COL11A1: variants seen among roughly 807,000 people sequenced by gnomAD.
COL11A1 encodes collagen alpha-1(XI) chain.
A neutral mutation model predicts 265.2 loss-of-function variants in COL11A1; 74 were observed. The ratio of observed to expected loss-of-function variants is 0.28; its 90% CI spans 0.23 to 0.34. The LOEUF is 0.34. COL11A1 is among the 10% of genes least tolerant of loss of function. COL11A1 has a pLI of 1.00. For missense variants in COL11A1, 2,165 were observed against 2,263.6 expected (o/e 0.96, Z 0.88); for synonymous variants, 816 against 727.6 (o/e 1.12, Z -1.96).
chr1:102,919,538 A>G (rs1451998996), intron 49 of COL11A1, among the ~76,000 whole-genome samples: 2 of 152,014 alleles, frequency 1.3e-5, no homozygotes, highest in Non-Finnish European at 2.9e-5. Context: ...TCACTGCATA[A>G]TATATGATGT....
chr1:102,980,329 A>G (rs1662919658), intron 31 of COL11A1, among the ~76,000 whole-genome samples: 1 of 152,154 alleles, frequency 6.6e-6, no homozygotes, highest in African/African-American at 2.4e-5. Context: ...ATAATCCCCA[A>G]TAACCAAATT....
At chr1:103,107,537 A>C in intron 1 of COL11A1, among the ~76,000 whole-genome samples, 2 of 129,866 alleles carry the variant, frequency 1.5e-5, no homozygotes, top group East Asian at 2.4e-4. Flanking sequence ...TTCTAGATTC[A>C]CCCCCCTGGT....
rs141931747 is a variant in COL11A1 at position 103,002,857 on chromosome 1, G to A, written c.1999-66C>T. On this transcript the variant is annotated intron_variant, in intron 21 of 66. Transcript: ENST00000370096. ...TGATGCTAAAACAGAAAATCAAAAAGACTAATCTAATATCATGATATTCAC... is the reference window on the plus strand; with the variant it reads ...TGATGCTAAAACAGAAAATCAAAAAAACTAATCTAATATCATGATATTCAC... 636 of 1,412,992 alleles carry A rather than the reference G, an allele frequency of 4.5e-4. 5 individuals carry two copies. The African/African-American group carries it at 7.9e-3, about 17-fold the overall frequency. 87.5% of individuals were successfully genotyped at this position (1,412,992 alleles called of 1,614,324 possible).
chr1:103,058,941 C>T (rs1309392966), intron 4 of COL11A1, among the ~76,000 whole-genome samples: 1 of 151,830 alleles, frequency 6.6e-6, no homozygotes, highest in Non-Finnish European at 1.5e-5. Flanking sequence ...GTTTTGGGGT[C>T]TCATAAACCA....
chr1:102,947,495 A>G (rs1659423393), intron 41 of COL11A1, among the ~76,000 whole-genome samples: 1 of 152,154 alleles, frequency 6.6e-6, no homozygotes, highest in South Asian at 2.1e-4. Context: ...TCACTATCCT[A>G]AAGTCTGGAC....
At chr1:103,058,811 A>G (rs1042886559) in intron 4 of COL11A1, among the ~76,000 whole-genome samples, 1 of 152,162 alleles carries the variant, frequency 6.6e-6, no homozygotes, top group African/African-American at 2.4e-5. Flanking sequence ...AAGATGGTAT[A>G]TGCTCATTTC....
chr1:103,014,944 C>T (rs1666440535), intron 12 of COL11A1, among the ~76,000 whole-genome samples: 1 of 151,756 alleles, frequency 6.6e-6, no homozygotes, highest in Non-Finnish European at 1.5e-5. Flanking sequence ...CCAAATATAC[C>T]AAGTTCAGTG....
At position 102,997,257 on chromosome 1, in the gene COL11A1, C is replaced by A. The variant is rs1483439686; in HGVS notation, c.2197-133G>T. 34 of 854,152 alleles carry A rather than the reference C, an allele frequency of 4.0e-5. No homozygotes were observed. The South Asian group carries it at 4.3e-4, about 11-fold the overall frequency. The allele number at this position is 854,152 out of a possible 1,614,324, so 52.9% of individuals were successfully genotyped here. On this transcript the variant is annotated intron_variant, in intron 25 of 66. Coordinates refer to ENST00000370096, the MANE Select transcript of COL11A1 (RefSeq NM_001854.4). ...GTTTCAAAAACATTGAACACTTTTGCATCAGTGTGTATGGCTTTAAATAAA... is the reference window on the plus strand; with the variant it reads ...GTTTCAAAAACATTGAACACTTTTGAATCAGTGTGTATGGCTTTAAATAAA...
rs753011538 is a variant in COL11A1, at chr1:103,074,644, T to C, written c.625A>G (p.Arg209Gly). ...DTNGITVFGT[R>G]ILDEEVFEGD... ...TCAAAAACTTCTTCATCCAAAATCC[T>C]TGTTCCAAAAACCGTGATTCCATTG... The change falls in exon 4 of 67, where the codon AGG becomes GGG. Residue 209 changes from arginine to glycine, a missense_variant. Physicochemically the swap from Arg to Gly is moderately radical, Grantham distance 125. Transcript: ENST00000370096. 1 of 1,613,286 alleles carries C rather than the reference T, an allele frequency of 6.2e-7. No individual in the cohort carries two copies.
chr1:102,900,311 A>T (rs1485780525), intron 54 of COL11A1, among the ~76,000 whole-genome samples: 1 of 152,168 alleles, frequency 6.6e-6, no homozygotes, highest in East Asian at 1.9e-4. Flanking sequence ...TTCAAATTTC[A>T]TATTTAAGCA....
rs543410551 is a variant in COL11A1 at position 103,077,471 on chromosome 1, C to T, written c.488+1187G>A. Among the ~76,000 whole-genome samples, 76 of 151,970 alleles carry T rather than the reference C, an allele frequency of 5.0e-4. 1 individual carries two copies. Among genetic ancestry groups the T allele is most frequent in the East Asian group, 1.9e-4 (1 of 5,162 alleles). On this transcript the variant is annotated intron_variant, in intron 3 of 66. Transcript: ENST00000370096. ...CTAACAGTCAAAAAAAGAAACACAA[C>T]GTGCTATTATATCTAATTTGTTTAT...
chr1:102,932,121 T>C (rs1223795882), intron 46 of COL11A1, among the ~76,000 whole-genome samples: 2 of 151,712 alleles, frequency 1.3e-5, no homozygotes, highest in African/African-American at 4.8e-5. Context: ...ATGTGTGAAT[T>C]TGATCCTGTC....
chr1:103,082,075 C>T (rs1399446990), intron 2 of COL11A1, among the ~76,000 whole-genome samples: 1 of 151,976 alleles, frequency 6.6e-6, no homozygotes, highest in Non-Finnish European at 1.5e-5. Context: ...AATTCCCTTT[C>T]TCCACATTAT....
chr1:103,074,788 A>T lies in COL11A1; in HGVS notation c.489-8T>A. Reference sequence around the variant, plus strand: ...ATTGCTACCCGATGCCACCTAAAAAAGACAAGTAATTCTTTTGTAAGCTTC... The same window carrying T: ...ATTGCTACCCGATGCCACCTAAAAATGACAAGTAATTCTTTTGTAAGCTTC... On this transcript the variant is annotated splice_polypyrimidine_tract_variant and splice_region_variant and intron_variant, in intron 3 of 66. Coordinates refer to ENST00000370096, the MANE Select transcript of COL11A1 (RefSeq NM_001854.4). 1 of 1,613,018 alleles carries T rather than the reference A, an allele frequency of 6.2e-7. No individual in the cohort carries two copies. Among genetic ancestry groups the T allele is most frequent in the Non-Finnish European group, 8.5e-7 (1 of 1,179,408 alleles).
At chr1:103,046,844 A>C (rs1272920200) in intron 4 of COL11A1, among the ~76,000 whole-genome samples, 4 of 151,570 alleles carry the variant, frequency 2.6e-5, no homozygotes, top group Non-Finnish European at 4.4e-5. Context: ...TTTTCCCAGC[A>C]CCATTTATTA....
Position 102,979,326 on chromosome 1 carries a change from T to C in COL11A1, c.2610+56A>G. ...ATCTGGGAATACAGGCACACACCAC[T>C]ATGTCCAGCTAAGAACACTTATATA... On this transcript the variant is annotated intron_variant, in intron 32 of 66. Transcript: ENST00000370096. 3 of 1,385,152 alleles carry C rather than the reference T, an allele frequency of 2.2e-6. No individual in the cohort carries two copies. In the South Asian group the frequency reaches 3.5e-5, roughly 16 times the overall value. The allele number at this position is 1,385,152 out of a possible 1,614,324, so 85.8% of individuals were successfully genotyped here. A position where few individuals can be genotyped will look rare whatever the true frequency, so the allele number is the denominator to read the frequency against.
rs112931988 is a variant in COL11A1, at chr1:102,882,339, G to A, written c.4972-574C>T. ...TATAAGTCTTCACAATAGGGAACTC[G>A]AGTTATCTGTGTAAGAAACAACATT... On this transcript the variant is annotated intron_variant, in intron 64 of 66. Transcript: ENST00000370096. Among the ~76,000 whole-genome samples, 584 of 152,258 alleles carry A rather than the reference G, an allele frequency of 3.8e-3. 4 individuals carry two copies. The highest frequency in any genetic ancestry group is 0.014 in the African/African-American group (566 of 41,556).
At chr1:103,011,749 C>A (rs908268399) in intron 14 of COL11A1, among the ~76,000 whole-genome samples, 4 of 151,976 alleles carry the variant, frequency 2.6e-5, no homozygotes, top group Non-Finnish European at 5.9e-5. Flanking sequence ...ATTTATCCAT[C>A]TATTCTAAAA....
At chr1:102,930,464 C>G (rs1245637115) in intron 46 of COL11A1, among the ~76,000 whole-genome samples, 1 of 151,942 alleles carries the variant, frequency 6.6e-6, no homozygotes, top group Non-Finnish European at 1.5e-5. Flanking sequence ...GGTGGATAAG[C>G]TTTTTGATGT....
Sources: gnomAD v4.1 joint callset for allele counts (sites outside exome capture counted in the v4.1 genomes callset) on GRCh38, gnomAD v4.1.1 for gene constraint, MANE v1.5 for transcripts, NCBI Gene and HGNC (gene_info 2026-07-23, HGNC 2026-07-21) for gene names.